The following C7orf57 variants were observed in gnomAD, a reference collection of about 807,000 sequenced individuals.
C7orf57 encodes the protein uncharacterized protein C7orf57.
A neutral mutation model predicts 39.0 loss-of-function variants in C7orf57; 33 were observed. That is an observed-to-expected ratio of 0.85 (90% CI 0.64 to 1.13). The LOEUF (loss-of-function observed/expected upper bound fraction) is 1.13. Ranked by LOEUF, C7orf57 falls within the 50% of genes most tolerant of loss-of-function variation. C7orf57 has a pLI of 0.00. For synonymous variants in C7orf57, 124 were observed against 137.1 expected (o/e 0.90, Z 0.67); for missense variants, 346 against 362.3 (o/e 0.95, Z 0.37).
chr7:48,051,347 A>ATTTTTTTTTTT (rs71006546), intron 6 of C7orf57, among the ~76,000 whole-genome samples: 1,651 of 69,698 alleles, frequency 0.024, 121 homozygotes, highest in Admixed American at 0.037. Flanking sequence ...CAGCTGGCTA[A>ATTTTTTTTTTT]TTTTTTTTTT....
chr7:48,049,742 T>A, intron 5 of C7orf57, 138 bp from the exon 6 acceptor site: 1 of 624,904 alleles, frequency 1.6e-6, no homozygotes. Context: ...TGAATTATAT[T>A]TTATTGTGAG....
chr7:48,056,046 G>GT (rs1018642080), intron 8 of C7orf57, among the ~76,000 whole-genome samples: 54 of 152,200 alleles, frequency 3.5e-4, no homozygotes, highest in African/African-American at 1.2e-3. Context: ...ACTCCATAAT[G>GT]TTTTCCATTA....
intron 6 of C7orf57, 107 bp from the exon 7 acceptor site, chr7:48,052,593 T>G: frequency 1.1e-6 from 1 of 885,582 alleles, no homozygotes; most frequent in South Asian, 1.6e-5. Context: ...GTTTGTTAGG[T>G]TTAAAGGGAC....
At position 48,041,297 on chromosome 7, in the gene C7orf57, C is replaced by T. The variant is rs1312442903; in HGVS notation, c.56-37C>T. ...GAGGCCTAGAGGCCACCCCGACACA[C>T]AGCAACAGTGTGGCCCTCCGCCTCT... is the stretch of plus-strand genomic sequence containing the variant. On this transcript the variant is annotated intron_variant, in intron 2 of 8. Coordinates refer to ENST00000348904, the MANE Select transcript of C7orf57 (RefSeq NM_001100159.3). 3.8e-6 allele frequency: 6 copies of T among 1,576,334 alleles called. No individual in the cohort carries two copies. The Admixed American group carries it at 7.1e-5, about 19-fold the overall frequency.
chr7:48,055,481 G>A (rs893713797), intron 8 of C7orf57, among the ~76,000 whole-genome samples: 1 of 151,986 alleles, frequency 6.6e-6, no homozygotes, highest in Non-Finnish European at 1.5e-5. Context: ...CTTAAAATCT[G>A]TTCTTTTAAT....
At chr7:48,059,023 T>C (rs891531382) in intron 8 of C7orf57, among the ~76,000 whole-genome samples, 2 of 152,174 alleles carry the variant, frequency 1.3e-5, no homozygotes, top group African/African-American at 4.8e-5. Flanking sequence ...AGAATCGTCA[T>C]GTGGAGAAGA....
At chr7:48,051,734 C>CTT (rs1375062899) in intron 6 of C7orf57, among the ~76,000 whole-genome samples, 1 of 55,966 alleles carries the variant, frequency 1.8e-5, no homozygotes, top group African/African-American at 4.8e-5. Flanking sequence ...TTCTCTTTTT[C>CTT]TTTTCTTTCT....
intron 5 of C7orf57, among the ~76,000 whole-genome samples, chr7:48,047,728 G>A (rs1268060658): frequency 6.6e-6 from 1 of 151,890 alleles, no homozygotes; most frequent in Non-Finnish European, 1.5e-5. Flanking sequence ...TTAGAGAGAA[G>A]TTCTCGCTCT....
intron 5 of C7orf57, among the ~76,000 whole-genome samples, chr7:48,049,289 A>T (rs933620616): frequency 1.3e-4 from 20 of 152,254 alleles, no homozygotes; most frequent in African/African-American, 4.1e-4. Context: ...TCTTTCTTTA[A>T]TTCTTACACT....
At chr7:48,045,627 G>T (rs1471469525) in intron 4 of C7orf57, among the ~76,000 whole-genome samples, 1 of 152,160 alleles carries the variant, frequency 6.6e-6, no homozygotes, top group South Asian at 2.1e-4. Context: ...GCATCCTGGA[G>T]CCCTGAACAA....
At position 48,052,165 on chromosome 7, in the gene C7orf57, G is replaced by C. The variant is rs1790972434; in HGVS notation, c.606-535G>C. Among the ~76,000 whole-genome samples, 4 of 151,864 alleles carry C rather than the reference G, an allele frequency of 2.6e-5. No homozygotes were observed. In the South Asian group the frequency reaches 8.3e-4, roughly 32 times the overall value. On this transcript the variant is annotated intron_variant, in intron 6 of 8. Coordinates refer to ENST00000348904, the MANE Select transcript of C7orf57 (RefSeq NM_001100159.3). ...ATTTTTGTATTTTTCGTGGAGACGG[G>C]GTTTCACCAGGTTGACCAGGATGGC... is the stretch of plus-strand genomic sequence containing the variant.
intron 8 of C7orf57, among the ~76,000 whole-genome samples, chr7:48,056,328 G>A (rs946551177): frequency 6.6e-6 from 1 of 152,032 alleles, no homozygotes; most frequent in Non-Finnish European, 1.5e-5. Flanking sequence ...TTTTGCTACT[G>A]AGTTGAGTTC....
intron 6 of C7orf57, among the ~76,000 whole-genome samples, chr7:48,051,800 TTCC>T (rs1790917367): frequency 1.0e-5 from 1 of 95,252 alleles, no homozygotes; most frequent in African/African-American, 4.6e-5. Context: ...CTTTCTTTCC[TTCC>T]TTCCTTTTCT....
In C7orf57 at chr7:48,060,247, C is replaced by T. The variant is rs775610509; in HGVS notation, c.863C>T (p.Ala288Val). The change falls in exon 9 of 9, where the codon GCA (alanine) becomes GTA (valine). Residue 288 changes from alanine (A) to valine (V), a missense_variant. Transcript: ENST00000348904. ...SSQSPEESVS[A>V]STPAELK ...GCAGGCCCAGAAGAATCTGTATCTG[C>T]ATCAACACCAGCAGAGCTCAAATAA... The T allele has an allele frequency of 3.9e-5, 60 of 1,539,522 alleles. No individual in the cohort carries two copies. The highest frequency in any genetic ancestry group is 3.4e-4 in the Middle Eastern group (2 of 5,918).
At chr7:48,049,776 G>A in intron 5 of C7orf57, 104 bp from the exon 6 acceptor site, 1 of 765,770 alleles carries the variant, frequency 1.3e-6, no homozygotes, top group Non-Finnish European at 2.2e-6. Flanking sequence ...CACATTGAAA[G>A]TCCAGCCTAT....
Position 48,035,620 on chromosome 7 carries a change from G to C in C7orf57, c.-112G>C. The C allele has an allele frequency of 1.5e-6, 1 of 687,976 alleles. No individual in the cohort carries two copies. Among genetic ancestry groups the C allele is most frequent in the Non-Finnish European group, 2.6e-6 (1 of 378,140 alleles). The allele number at this position is 687,976 out of a possible 1,614,324, so 42.6% of individuals were successfully genotyped here. A position where few individuals can be genotyped will look rare whatever the true frequency, so the allele number is the denominator to read the frequency against. ...CCGCGGGCAGCACCCACGGAGACCCGCGGGGAGCTGGTGAGCCTGAGCGGG... is the reference window on the plus strand; with the variant it reads ...CCGCGGGCAGCACCCACGGAGACCCCCGGGGAGCTGGTGAGCCTGAGCGGG... On this transcript the variant is annotated 5_prime_UTR_variant, in exon 1 of 9. Transcript: ENST00000348904. This position sits in a 1 kb window ranked among gnomAD's most constrained non-coding sequence, Gnocchi z 4.0.
chr7:48,044,859 G>A (rs1238126752), intron 4 of C7orf57, among the ~76,000 whole-genome samples: 1 of 152,196 alleles, frequency 6.6e-6, no homozygotes, highest in African/African-American at 2.4e-5. Context: ...TGGATTGAGA[G>A]GTAAAATGAA....
chr7:48,054,678 T>A, intron 8 of C7orf57, 72 bp downstream of exon 8: 1 of 1,349,458 alleles, frequency 7.4e-7, no homozygotes, highest in Non-Finnish European at 1.0e-6. Flanking sequence ...GACATAGTCC[T>A]GCATTCTGAG....
At chr7:48,041,041 G>A (rs1008448147) in intron 2 of C7orf57, among the ~76,000 whole-genome samples, 1 of 152,100 alleles carries the variant, frequency 6.6e-6, no homozygotes, top group Non-Finnish European at 1.5e-5. Context: ...CATGGGGCTT[G>A]GGTACCTCCC....
Sources: gnomAD v4.1 joint callset for allele counts (sites outside exome capture counted in the v4.1 genomes callset) on GRCh38, gnomAD v4.1.1 for gene constraint, Gnocchi (gnomAD v3.1) non-coding constraint, MANE v1.5 for transcripts, NCBI Gene and HGNC (gene_info 2026-07-23, HGNC 2026-07-21) for gene names.